C8orf74: variants seen among roughly 807,000 people sequenced by gnomAD.
The protein encoded by C8orf74 is uncharacterized protein C8orf74.
In C8orf74, 29 loss-of-function variants were observed where a neutral mutation model predicts 22.2. The ratio of observed to expected loss-of-function variants is 1.31; its 90% CI spans 0.97 to 1.78. C8orf74 has a LOEUF of 1.78. Among genes scored for constraint, C8orf74 ranks in the 40% most tolerant of loss-of-function variants. The pLI is 0.00. For missense variants in C8orf74, 515 were observed against 369.9 expected, an observed-to-expected ratio of 1.39 and a Z score of -3.22; for synonymous variants, 255 against 163.1, an observed-to-expected ratio of 1.56 and a Z score of -4.30.
At chr8:10,682,418 T>C (rs1318107290) in intron 2 of C8orf74, among the ~76,000 whole-genome samples, 2 of 152,218 alleles carry the variant, frequency 1.3e-5, no homozygotes, top group Non-Finnish European at 2.9e-5. Flanking sequence ...TTCTGGAGGC[T>C]GGAAGCCCAA....
intron 2 of C8orf74, among the ~76,000 whole-genome samples, chr8:10,680,972 T>C (rs982519539): frequency 2.0e-5 from 3 of 152,094 alleles, no homozygotes; most frequent in African/African-American, 4.8e-5. Context: ...TCAGTCATCT[T>C]GGAAAGCGGC....
chr8:10,679,318 G>T (rs578138350), intron 2 of C8orf74, among the ~76,000 whole-genome samples: 2 of 152,204 alleles, frequency 1.3e-5, no homozygotes, highest in East Asian at 1.9e-4. Flanking sequence ...TGTCCACCTG[G>T]AACTTTAGGT....
At chr8:10,700,062 C>G (rs924186328) in intron 3 of C8orf74, among the ~76,000 whole-genome samples, 173 bp from the exon 4 acceptor site, 3 of 152,194 alleles carry the variant, frequency 2.0e-5, no homozygotes, top group Non-Finnish European at 4.4e-5. Context: ...ACCTCCCGCC[C>G]CTAGTTGGCT....
At chr8:10,673,184 T>C (rs1430916022) in intron 1 of C8orf74, among the ~76,000 whole-genome samples, 1 of 152,086 alleles carries the variant, frequency 6.6e-6, no homozygotes, top group African/African-American at 2.4e-5. Context: ...CTTGGGGTCC[T>C]CCCAGCCAGA....
intron 2 of C8orf74, among the ~76,000 whole-genome samples, chr8:10,696,958 G>GAAA (rs60560452): frequency 0.16 from 16,980 of 104,024 alleles, 3,417 homozygotes; most frequent in African/African-American, 0.48. Flanking sequence ...CCAGGAGTTC[G>GAAA]AAAAAAAAAA....
chr8:10,679,319 A>T (rs1799098748), intron 2 of C8orf74, among the ~76,000 whole-genome samples: 1 of 152,042 alleles, frequency 6.6e-6, no homozygotes, highest in African/African-American at 2.4e-5. Context: ...GTCCACCTGG[A>T]ACTTTAGGTC....
intron 2 of C8orf74, among the ~76,000 whole-genome samples, chr8:10,677,298 C>A (rs1198842645): frequency 6.6e-6 from 1 of 152,146 alleles, no homozygotes; most frequent in Admixed American, 6.5e-5. Context: ...AGCGTGTGGG[C>A]CCTGAGCATA....
At chr8:10,696,105 G>C (rs1335373335) in intron 2 of C8orf74, among the ~76,000 whole-genome samples, 2 of 152,070 alleles carry the variant, frequency 1.3e-5, no homozygotes, top group African/African-American at 4.8e-5. Flanking sequence ...TTGCTCACCA[G>C]GGTAGGCATG....
rs114432528 is a variant in C8orf74, at chr8:10,696,257, G to C, written c.242-1342G>C. On this transcript the variant is annotated intron_variant, in intron 2 of 3. Transcript: ENST00000304519. The stretch of plus-strand genomic sequence containing the variant: ...GTGAAGGGGAGAGGAGGAGAGAAGT[G>C]GGGAGATGGGTCACCCCCACAAGGA... Among the ~76,000 whole-genome samples the C allele has an allele frequency of 4.8e-3, 726 of 152,046 alleles. 6 individuals carry two copies. The highest frequency in any genetic ancestry group is 0.017 in the African/African-American group (698 of 41,464).
intron 2 of C8orf74, among the ~76,000 whole-genome samples, chr8:10,697,113 G>C (rs6980758): frequency 1.3e-5 from 2 of 152,070 alleles, no homozygotes; most frequent in South Asian, 4.1e-4. Context: ...TGGTACACTC[G>C]ATACCTTTCA....
At position 10,700,424 on chromosome 8, in the gene C8orf74, A is replaced by G. The variant is rs377312489; in HGVS notation, c.838A>G (p.Lys280Glu). The change falls in exon 4 of 4, where the codon AAG (lysine) becomes GAG (glutamate). Residue 280 changes from lysine to glutamate, a missense_variant. By Grantham distance (56) the Lys-to-Glu change is moderately conservative (BLOSUM62 1). Coordinates refer to ENST00000304519, the MANE Select transcript of C8orf74 (RefSeq NM_001040032.2). Reference protein sequence around the residue: ...TSHAGQEEALKPQRASKGKKA... With the variant: ...TSHAGQEEALEPQRASKGKKA... Reference sequence around the variant, plus strand: ...CCACGCAGGCCAGGAGGAAGCCCTGAAGCCCCAAAGAGCGAGCAAAGGAAA... The same window carrying G: ...CCACGCAGGCCAGGAGGAAGCCCTGGAGCCCCAAAGAGCGAGCAAAGGAAA... 11 of 1,575,962 alleles carry G rather than the reference A, an allele frequency of 7.0e-6. No homozygotes were observed. In the African/African-American group the frequency reaches 1.5e-4, roughly 22 times the overall value.
At chr8:10,699,757 T>C (rs1263858302) in intron 3 of C8orf74, among the ~76,000 whole-genome samples, 3 of 151,970 alleles carry the variant, frequency 2.0e-5, no homozygotes, top group Non-Finnish European at 4.4e-5. Context: ...CTTTGAAAGG[T>C]GAGAATGAGG....
At chr8:10,696,416 T>G (rs376335101) in intron 2 of C8orf74, among the ~76,000 whole-genome samples, 2 of 143,316 alleles carry the variant, frequency 1.4e-5, no homozygotes, top group African/African-American at 5.8e-5. Flanking sequence ...CCACTCTTTT[T>G]TTTTCTTTTC....
intron 2 of C8orf74, among the ~76,000 whole-genome samples, chr8:10,676,751 A>G (rs1421290521): frequency 6.6e-6 from 1 of 152,090 alleles, no homozygotes; most frequent in South Asian, 2.1e-4. Flanking sequence ...CCTTCAGGGT[A>G]TCCCTCAAGG....
chr8:10,690,092 G>C (rs985134059), intron 2 of C8orf74, among the ~76,000 whole-genome samples: 1 of 152,180 alleles, frequency 6.6e-6, no homozygotes, highest in Non-Finnish European at 1.5e-5. Flanking sequence ...GTCCCTTGCA[G>C]TGTCCACCTC....
At chr8:10,676,293 C>G (rs1799030849) in intron 2 of C8orf74, among the ~76,000 whole-genome samples, 1 of 152,138 alleles carries the variant, frequency 6.6e-6, no homozygotes, top group South Asian at 2.1e-4. Context: ...CTCTCACACA[C>G]AAGGCGCCAT....
chr8:10,693,709 G>T (rs28685590), intron 2 of C8orf74, among the ~76,000 whole-genome samples: 8,309 of 152,206 alleles, frequency 0.055, 790 homozygotes, highest in African/African-American at 0.19. Context: ...CTCTCTGTTG[G>T]TAGGCCCACT....
At chr8:10,683,416 G>C (rs146557597) in intron 2 of C8orf74, among the ~76,000 whole-genome samples, 2 of 152,206 alleles carry the variant, frequency 1.3e-5, no homozygotes, top group South Asian at 4.1e-4. Flanking sequence ...TCCATCAGCT[G>C]GACTTACTGG....
intron 3 of C8orf74, 44 bp from the exon 4 acceptor site, chr8:10,700,191 G>A (rs191237807): frequency 3.0e-6 from 4 of 1,315,678 alleles, no homozygotes; most frequent in East Asian, 4.7e-5. Flanking sequence ...TGGATCCGGC[G>A]AGGCTCCCCA....
Sources: gnomAD v4.1 joint callset for allele counts (sites outside exome capture counted in the v4.1 genomes callset) on GRCh38, gnomAD v4.1.1 for gene constraint, MANE v1.5 for transcripts, NCBI Gene and HGNC (gene_info 2026-07-23, HGNC 2026-07-21) for gene names.